Variants in PTPRH observed in about 807,000 individuals in gnomAD.
PTPRH encodes receptor-type tyrosine-protein phosphatase H.
PTPRH carries 113 observed loss-of-function variants against 130.2 expected under a neutral mutation model. The ratio of observed to expected loss-of-function variants is 0.87; its 90% CI spans 0.75 to 1.01. The LOEUF is 1.01. Ranked by LOEUF, PTPRH falls within the 50% of genes least tolerant of loss-of-function variation. PTPRH has a pLI of 0.00. For synonymous variants in PTPRH, 556 were observed against 577.9 expected, an observed-to-expected ratio of 0.96 and a Z score of 0.54; for missense variants, 1,430 against 1,425.0, an observed-to-expected ratio of 1.00 and a Z score of -0.06.
At chr19:55,204,095 A>T in intron 4 of PTPRH, 47 bp from the exon 5 acceptor site, 1 of 1,525,064 alleles carries the variant, frequency 6.6e-7, no homozygotes, top group Admixed American at 2.0e-5. Flanking sequence ...ACTACAGAAC[A>T]TAACGGGGGC....
At position 55,198,643 on chromosome 19, in the gene PTPRH, C is replaced by G; in HGVS notation, c.1690G>C (p.Ala564Pro). Residue 564 changes from alanine (A) to proline (P), a missense_variant and splice_region_variant, in exon 8 of 20, where the codon GCT (alanine) becomes CCT (proline). Transcript: ENST00000376350. ...GGGTTCAGAACCGACTGTGTCTCAC[C>G]AGTGGCTGCAGTGAGGGTGCTGTTA... ...GYNSTLTAAT[A>P]PNEVTDLQNE... 6.3e-7 allele frequency: 1 copy of G among 1,599,762 alleles called. No individual in the cohort carries two copies. The highest frequency in any genetic ancestry group is 8.5e-7 in the Non-Finnish European group (1 of 1,171,470).
In PTPRH at chr19:55,202,458, T is replaced by C. The variant is rs112291617; in HGVS notation, c.887-136A>G. The C allele has an allele frequency of 3.9e-3, 5,271 of 1,352,196 alleles. 146 individuals are homozygous for C. The African/African-American group carries it at 0.066, about 17-fold the overall frequency. The allele number at this position is 1,352,196 out of a possible 1,614,324, so 83.8% of individuals were successfully genotyped here. A position where few individuals can be genotyped will look rare whatever the true frequency, so the allele number is the denominator to read the frequency against. ...CACTGTCCAGTGTGGCAGCCACGAG[T>C]TCCACGTGAGTGTTGAGCACCGTGA... On this transcript the variant is annotated intron_variant, in intron 5 of 19. Transcript: ENST00000376350.
At chr19:55,184,683 A>G (rs2086268024) in intron 18 of PTPRH, among the ~76,000 whole-genome samples, 1 of 151,962 alleles carries the variant, frequency 6.6e-6, no homozygotes, top group East Asian at 2.0e-4. Context: ...GCTACTCGGG[A>G]GGCTGAGACA....
Position 55,186,526 on chromosome 19 carries a change from C to G in PTPRH, c.2581G>C (p.Val861Leu), listed in dbSNP as rs1156547305. Residue 861 changes from valine (V) to leucine (L), a missense_variant, in exon 15 of 20, where the codon GTG becomes CTG. Transcript: ENST00000376350. ...TCCTCATGGATGGGCTTCAGGGGCACCCGGGACCAGTCATCTAGGAGAAGA... is the reference window on the plus strand; with the variant it reads ...TCCTCATGGATGGGCTTCAGGGGCAGCCGGGACCAGTCATCTAGGAGAAGA... ...RNVLPYDWSR[V>L]PLKPIHEEPG... is the part of the protein sequence containing the mutation. 6.7e-7 allele frequency: 1 copy of G among 1,487,648 alleles called. No individual in the cohort carries two copies. The highest frequency in any genetic ancestry group is 2.1e-5 in the Admixed American group (1 of 47,880). 92.2% of individuals were successfully genotyped at this position (1,487,648 alleles called of 1,614,324 possible).
intron 18 of PTPRH, among the ~76,000 whole-genome samples, chr19:55,184,310 TA>T (rs1364546398): frequency 7.7e-6 from 1 of 130,258 alleles, no homozygotes; most frequent in African/African-American, 2.5e-5. Context: ...AATAAATAAA[TA>T]AAATAAAATA....
chr19:55,186,925 G>C (rs1035724384), intron 14 of PTPRH, among the ~76,000 whole-genome samples: 1 of 151,886 alleles, frequency 6.6e-6, no homozygotes, highest in Non-Finnish European at 1.5e-5. Flanking sequence ...GGCGCCTGTA[G>C]TCCCAGCTAC....
At chr19:55,190,516 G>A (rs760082276) in intron 12 of PTPRH, among the ~76,000 whole-genome samples, 1,501 of 124,274 alleles carry the variant, frequency 0.012, 11 homozygotes, top group Middle Eastern at 0.03. Flanking sequence ...TATATATAAT[G>A]TATATTTTAT....
rs1600056862 is a variant in PTPRH, at chr19:55,200,140, C to T, written c.1420+96G>A. 1.1e-5 allele frequency: 15 copies of T among 1,374,812 alleles called. No homozygotes were observed. The Middle Eastern group carries it at 7.8e-4, about 71-fold the overall frequency. 85.2% of individuals were successfully genotyped at this position (1,374,812 alleles called of 1,614,324 possible). ...GAGAGGCAGATGTCTGCAGAGCCTA[C>T]GGACTACAGAGCCAGAGCCCAGAAG... is the stretch of plus-strand genomic sequence containing the variant. On this transcript the variant is annotated intron_variant, in intron 7 of 19. Transcript: ENST00000376350.
intron 12 of PTPRH, among the ~76,000 whole-genome samples, chr19:55,189,462 C>T (rs1295972048): frequency 6.6e-6 from 1 of 152,172 alleles, no homozygotes; most frequent in Non-Finnish European, 1.5e-5. Context: ...TCTCTCTGAC[C>T]TCACTTCCCA....
chr19:55,204,980 C>T (rs527414222), intron 4 of PTPRH, among the ~76,000 whole-genome samples: 36 of 152,206 alleles, frequency 2.4e-4, no homozygotes, highest in African/African-American at 8.4e-4. Flanking sequence ...CAATATGTGA[C>T]GCAGCTGGGG....
chr19:55,194,789 C>T (rs879505497), intron 10 of PTPRH, among the ~76,000 whole-genome samples: 1 of 152,160 alleles, frequency 6.6e-6, no homozygotes, highest in Admixed American at 6.5e-5. Context: ...TAAAAACATA[C>T]GTCCACACAA....
intron 6 of PTPRH, among the ~76,000 whole-genome samples, chr19:55,200,859 C>T (rs955587811): frequency 2.6e-5 from 4 of 152,012 alleles, no homozygotes; most frequent in East Asian, 1.9e-4. Context: ...AGGAGAATGG[C>T]GTGAACCCGG....
intron 12 of PTPRH, among the ~76,000 whole-genome samples, chr19:55,189,495 G>A (rs946452122): frequency 1.3e-5 from 2 of 152,086 alleles, no homozygotes; most frequent in Non-Finnish European, 2.9e-5. Flanking sequence ...TCCTCACTCT[G>A]CTCAGTCGGA....
intron 18 of PTPRH, 86 bp downstream of exon 18, chr19:55,185,416 A>G: frequency 6.9e-7 from 1 of 1,458,628 alleles, no homozygotes; most frequent in South Asian, 1.3e-5. Flanking sequence ...CCTCCCCTGT[A>G]CGTTCCCAGG....
chr19:55,190,758 T>A (rs1218415874), intron 12 of PTPRH, among the ~76,000 whole-genome samples: 1 of 150,962 alleles, frequency 6.6e-6, no homozygotes. Context: ...GCCACCTGCG[T>A]AGCTGGGATT....
intron 12 of PTPRH, among the ~76,000 whole-genome samples, chr19:55,191,081 G>T (rs926046838): frequency 2.0e-4 from 30 of 152,012 alleles, no homozygotes; most frequent in Admixed American, 1.9e-3. Flanking sequence ...TGACCTTGTG[G>T]TCTGCCTGCC....
At chr19:55,192,063 A>G (rs2086558009) in intron 10 of PTPRH, 2 of 462,704 alleles carry the variant, frequency 4.3e-6, no homozygotes, top group Non-Finnish European at 8.4e-6. Context: ...TCCTTAGGAT[A>G]TTCTTAGTAA....
At chr19:55,182,404 A>G (rs1481656001) in intron 18 of PTPRH, among the ~76,000 whole-genome samples, 1 of 152,138 alleles carries the variant, frequency 6.6e-6, no homozygotes, top group Non-Finnish European at 1.5e-5. Context: ...CATGCCTGTA[A>G]TCCCAGCTAC....
Position 55,204,046 on chromosome 19 carries a change from G to A in PTPRH, c.622C>T (p.His208Tyr), listed in dbSNP as rs527719659. 1.9e-6 allele frequency: 3 copies of A among 1,610,344 alleles called. No homozygotes were observed. The South Asian group carries it at 3.3e-5, about 18-fold the overall frequency. Residue 208 changes from histidine (H) to tyrosine (Y), a missense_variant and splice_region_variant, in exon 5 of 20, where the codon CAC becomes TAC. Coordinates refer to ENST00000376350, the MANE Select transcript of PTPRH (RefSeq NM_002842.5). ...ACTCTCAGGTTCCTCACTGGGTTGT[G>A]AGCTGAGAAATTAGGAAGAAAGATC... ...SRETRNATTA[H>Y]NPVRNLRVEA...
Sources: gnomAD v4.1 joint callset for allele counts (sites outside exome capture counted in the v4.1 genomes callset) on GRCh38, gnomAD v4.1.1 for gene constraint, MANE v1.5 for transcripts, NCBI Gene and HGNC (gene_info 2026-07-23, HGNC 2026-07-21) for gene names.